The following PSD3 variants were observed in gnomAD, a reference collection of about 807,000 sequenced individuals.
PSD3 encodes pleckstrin and Sec7 domain containing 3.
In PSD3, 49 loss-of-function variants were observed where a neutral mutation model predicts 105.5. The observed-to-expected ratio is 0.46, with a 90% CI of 0.37 to 0.59. The LOEUF (loss-of-function observed/expected upper bound fraction) is 0.59. PSD3 is among the 20% of genes least tolerant of loss of function. The pLI, the probability that PSD3 is intolerant of heterozygous loss-of-function variation, is 0.00. For synonymous variants in PSD3, 557 were observed against 457.8 expected (o/e 1.22, Z -2.77); for missense variants, 1,561 against 1,263.8 (o/e 1.24, Z -3.57).
At chr8:18,771,142 G>A (rs1163231381) in intron 8 of PSD3, among the ~76,000 whole-genome samples, 2 of 152,150 alleles carry the variant, frequency 1.3e-5, no homozygotes, top group Non-Finnish European at 2.9e-5. Context: ...GCTGAGGCTG[G>A]GGCTTTTATG....
intron 12 of PSD3, among the ~76,000 whole-genome samples, chr8:18,593,010 C>T (rs930842909): frequency 4.6e-5 from 7 of 152,276 alleles, no homozygotes; most frequent in Non-Finnish European, 7.4e-5. Context: ...GACCTAAAAC[C>T]GTAACAACCC....
At chr8:18,585,709 A>G (rs940966453) in intron 12 of PSD3, among the ~76,000 whole-genome samples, 2 of 152,204 alleles carry the variant, frequency 1.3e-5, no homozygotes, top group African/African-American at 4.8e-5. Context: ...GTCGTCAGGA[A>G]GGGAACCAAT....
In PSD3 at chr8:18,535,302, A is replaced by T. The variant is rs899559914; in HGVS notation, c.*441T>A. On this transcript the variant is annotated 3_prime_UTR_variant, in exon 16 of 16. Transcript: ENST00000327040. The stretch of plus-strand genomic sequence containing the variant: ...TACCTCTGTGACTGGGCAAGATTTC[A>T]CATATAAAGGCGTATATTAACTCCA... The T allele has an allele frequency of 1.2e-5, 2 of 173,428 alleles. No individual in the cohort carries two copies. The highest frequency in any genetic ancestry group is 4.8e-5 in the African/African-American group (2 of 41,766). 10.7% of individuals were successfully genotyped at this position (173,428 alleles called of 1,614,324 possible).
chr8:18,545,430 C>T (rs938983801), intron 15 of PSD3, among the ~76,000 whole-genome samples: 2 of 151,914 alleles, frequency 1.3e-5, no homozygotes, highest in Non-Finnish European at 1.5e-5. Context: ...AGAAAACACA[C>T]CCTGATTTGA....
intron 9 of PSD3, among the ~76,000 whole-genome samples, chr8:18,714,079 T>A (rs1433498176): frequency 6.6e-6 from 1 of 152,200 alleles, no homozygotes; most frequent in Non-Finnish European, 1.5e-5. Flanking sequence ...GCTAGCCATA[T>A]GCATAAAATT....
intron 4 of PSD3, among the ~76,000 whole-genome samples, chr8:18,827,130 A>G (rs1460195408): frequency 3.3e-5 from 5 of 152,228 alleles, no homozygotes; most frequent in African/African-American, 1.2e-4. Flanking sequence ...ATATGAATAA[A>G]GAGCAAAATA....
At chr8:18,987,591 G>C (rs933595675) in intron 1 of PSD3, among the ~76,000 whole-genome samples, 14 of 151,972 alleles carry the variant, frequency 9.2e-5, no homozygotes, top group Admixed American at 9.2e-4. Flanking sequence ...GGACAAGGCA[G>C]AGGATCATTT....
At chr8:18,574,981 T>C (rs2130355813) in intron 13 of PSD3, 147 bp downstream of exon 13, 3 of 756,920 alleles carry the variant, frequency 4.0e-6, no homozygotes, top group East Asian at 3.1e-5. Flanking sequence ...CTAATCTTCT[T>C]AGGCAGTTAT....
chr8:18,895,096 T>C (rs1487660212), intron 2 of PSD3, among the ~76,000 whole-genome samples: 1 of 152,202 alleles, frequency 6.6e-6, no homozygotes, highest in Admixed American at 6.5e-5. Context: ...GGACAGAGTC[T>C]CACTTTCCTG....
chr8:18,607,019 AAT>A (rs919881147), intron 11 of PSD3, among the ~76,000 whole-genome samples: 14 of 152,208 alleles, frequency 9.2e-5, no homozygotes, highest in African/African-American at 3.4e-4. Flanking sequence ...CAATTAAGTA[AAT>A]ATTTTCTAAA....
At chr8:18,607,668 A>G (rs1025585279) in intron 11 of PSD3, among the ~76,000 whole-genome samples, 3 of 148,012 alleles carry the variant, frequency 2.0e-5, no homozygotes, top group African/African-American at 7.5e-5. Flanking sequence ...AGCATATAAC[A>G]AGACTCCACT....
chr8:18,752,022 T>TAAA (rs35624374), intron 9 of PSD3, among the ~76,000 whole-genome samples: 1 of 104,180 alleles, frequency 9.6e-6, no homozygotes. Flanking sequence ...TAAAAATACA[T>TAAA]AAAAAAAAAA....
At chr8:19,050,988 T>C (rs1828508625) in intron 1 of PSD3, among the ~76,000 whole-genome samples, 1 of 152,148 alleles carries the variant, frequency 6.6e-6, no homozygotes, top group South Asian at 2.1e-4. Flanking sequence ...TTAAGATCTG[T>C]AGGCTCATAG....
chr8:18,705,795 G>A lies in PSD3; in HGVS notation c.2173-50110C>T, dbSNP rs539034177. On this transcript the variant is annotated intron_variant, in intron 9 of 15. Coordinates refer to ENST00000327040, the MANE Select transcript of PSD3 (RefSeq NM_015310.4). ...GTTGAGTATATTCTGCCTTTGGAGG[G>A]GAATGAGTATTCGTGATCAAGAAAG... 6.6e-5 allele frequency among the ~76,000 whole-genome samples: 10 copies of A among 152,170 alleles called. No individual in the cohort carries two copies. The South Asian group carries it at 1.9e-3, about 28-fold the overall frequency.
intron 14 of PSD3, among the ~76,000 whole-genome samples, chr8:18,565,740 A>G (rs893558341): frequency 6.6e-6 from 1 of 152,118 alleles, no homozygotes; most frequent in Non-Finnish European, 1.5e-5. Context: ...GAGTATGGGG[A>G]AAAAAAGATA....
At chr8:18,685,677 CAT>C (rs901619446) in intron 9 of PSD3, among the ~76,000 whole-genome samples, 4 of 152,050 alleles carry the variant, frequency 2.6e-5, no homozygotes, top group Non-Finnish European at 4.4e-5. Context: ...TTTTACAAAG[CAT>C]ATTCCAAAGA....
intron 8 of PSD3, among the ~76,000 whole-genome samples, chr8:18,787,888 G>C (rs918285329): frequency 1.3e-5 from 2 of 152,150 alleles, no homozygotes; most frequent in African/African-American, 4.8e-5. Context: ...AGCAGGTTTC[G>C]TGAACTAAGG....
chr8:18,604,827 G>A lies in PSD3; in HGVS notation c.2411-4393C>T, dbSNP rs569752790. Among the ~76,000 whole-genome samples, 11 of 152,350 alleles carry A rather than the reference G, an allele frequency of 7.2e-5. 1 individual carries two copies. The South Asian group carries it at 1.9e-3, about 26-fold the overall frequency. On this transcript the variant is annotated intron_variant, in intron 11 of 15. Coordinates refer to ENST00000327040, the MANE Select transcript of PSD3 (RefSeq NM_015310.4). ...AAGGGGCCTGGGTACAGCTTGGGCT[G>A]CTGCTACAGAGCATGTTGGCCACAA... is the stretch of plus-strand genomic sequence containing the variant.
chr8:18,585,217 TG>T (rs1160203188), intron 12 of PSD3, among the ~76,000 whole-genome samples: 1 of 152,166 alleles, frequency 6.6e-6, no homozygotes. Flanking sequence ...GGCCTTTATT[TG>T]GATGGTTGAG....
Sources: gnomAD v4.1 joint callset for allele counts (sites outside exome capture counted in the v4.1 genomes callset) on GRCh38, gnomAD v4.1.1 for gene constraint, MANE v1.5 for transcripts, NCBI Gene and HGNC (gene_info 2026-07-23, HGNC 2026-07-21) for gene names.